Variants in ST8SIA1 observed in about 807,000 individuals in gnomAD.
ST8SIA1 encodes the protein alpha-N-acetylneuraminide alpha-2,8-sialyltransferase.
ST8SIA1 carries 16 observed loss-of-function variants against 35.9 expected under a neutral mutation model. The observed-to-expected ratio is 0.45, with a 90% confidence interval of 0.30 to 0.68. ST8SIA1 has a LOEUF of 0.68. ST8SIA1 is among the 30% of genes least tolerant of loss of function. The pLI is 0.09. For synonymous variants in ST8SIA1, 170 were observed against 169.6 expected (o/e 1.00, Z -0.02); for missense variants, 383 against 453.6 (o/e 0.84, Z 1.41).
Position 22,199,371 on chromosome 12 carries a change from T to C in ST8SIA1, c.*2181A>G, listed in dbSNP as rs1326090542. 6.6e-6 allele frequency: 1 copy of C among 152,102 alleles called. No individual in the cohort carries two copies. The highest frequency in any genetic ancestry group is 1.5e-5 in the Non-Finnish European group (1 of 68,010). The allele number at this position is 152,102 out of a possible 1,614,324, so 9.4% of individuals were successfully genotyped here. On this transcript the variant is annotated 3_prime_UTR_variant, in exon 5 of 5. Transcript: ENST00000396037. ...AATCTGAGTAACATTTTATTAACTT[T>C]TATATGCGTTTTTGTTAAGCCTTTT... is the stretch of plus-strand genomic sequence containing the variant.
intron 4 of ST8SIA1, among the ~76,000 whole-genome samples, chr12:22,227,347 A>T (rs1865371062): frequency 1.3e-5 from 2 of 152,008 alleles, no homozygotes; most frequent in Admixed American, 1.3e-4. Flanking sequence ...AGGCTGAGGC[A>T]GGCAGATCAC....
At chr12:22,331,758 G>C (rs1054799131) in intron 1 of ST8SIA1, among the ~76,000 whole-genome samples, 2 of 152,152 alleles carry the variant, frequency 1.3e-5, no homozygotes, top group African/African-American at 4.8e-5. Context: ...GTTCATTAGC[G>C]TTAAGTGTAC....
At chr12:22,319,967 G>C (rs1866565621) in intron 1 of ST8SIA1, among the ~76,000 whole-genome samples, 1 of 152,126 alleles carries the variant, frequency 6.6e-6, no homozygotes, top group African/African-American at 2.4e-5. Flanking sequence ...TAAAAAGGAG[G>C]TGAGGGGCTT....
chr12:22,263,530 G>A (rs1211722409), intron 2 of ST8SIA1, among the ~76,000 whole-genome samples: 1 of 152,092 alleles, frequency 6.6e-6, no homozygotes, highest in Non-Finnish European at 1.5e-5. Context: ...TGTTGATTTT[G>A]TTACACATTT....
At chr12:22,246,479 C>A (rs562265963) in intron 4 of ST8SIA1, among the ~76,000 whole-genome samples, 1 of 152,092 alleles carries the variant, frequency 6.6e-6, no homozygotes, top group Non-Finnish European at 1.5e-5. Flanking sequence ...TGCCTAAAAT[C>A]TTTAGAAACT....
In ST8SIA1 at chr12:22,333,992, A is replaced by G. The variant is rs1322099427; in HGVS notation, c.236+5T>C. On this transcript the variant is annotated splice_donor_5th_base_variant and intron_variant, in intron 1 of 4. Coordinates refer to ENST00000396037, the MANE Select transcript of ST8SIA1 (RefSeq NM_003034.4). ...AGAGGGGAGGAGCCGCGAGGGCAGG[A>G]GTACCTGAACGCTCTGGCCGCGGTC... 2 of 1,612,936 alleles carry G rather than the reference A, an allele frequency of 1.2e-6. No individual in the cohort carries two copies. The highest frequency in any genetic ancestry group is 1.3e-5 in the African/African-American group (1 of 74,980).
rs1311788798 is a variant in ST8SIA1, at chr12:22,197,337, G to A, written c.*4215C>T. The A allele has an allele frequency of 6.6e-6, 1 of 152,110 alleles. No homozygotes were observed. Among genetic ancestry groups the A allele is most frequent in the Non-Finnish European group, 1.5e-5 (1 of 68,028 alleles). The allele number at this position is 152,110 out of a possible 1,614,324, so 9.4% of individuals were successfully genotyped here. A position where few individuals can be genotyped will look rare whatever the true frequency, so the allele number is the denominator to read the frequency against. Reference sequence around the variant, plus strand: ...CATAGAGAATATATTACCTGGTGCTGGTGGGAAAGTATTTACACAACACAA... The same window carrying A: ...CATAGAGAATATATTACCTGGTGCTAGTGGGAAAGTATTTACACAACACAA... On this transcript the variant is annotated 3_prime_UTR_variant, in exon 5 of 5. Transcript: ENST00000396037.
At chr12:22,250,669 C>A (rs377278125) in intron 3 of ST8SIA1, 1 of 152,250 alleles carries the variant, frequency 6.6e-6, no homozygotes, top group African/African-American at 2.4e-5. Flanking sequence ...AAATTACCCT[C>A]AGTATCCAGG....
chr12:22,212,986 G>A (rs149951867), intron 4 of ST8SIA1, among the ~76,000 whole-genome samples: 20 of 152,264 alleles, frequency 1.3e-4, no homozygotes, highest in African/African-American at 4.3e-4. Context: ...TGGTCTTTGA[G>A]ATCATTTTCA....
At chr12:22,226,092 G>A (rs968810061) in intron 4 of ST8SIA1, among the ~76,000 whole-genome samples, 2 of 152,126 alleles carry the variant, frequency 1.3e-5, no homozygotes, top group African/African-American at 2.4e-5. Flanking sequence ...ACTCTCAGCT[G>A]TAGTGCATAT....
At chr12:22,291,306 G>A (rs1461002054) in intron 1 of ST8SIA1, among the ~76,000 whole-genome samples, 1 of 152,156 alleles carries the variant, frequency 6.6e-6, no homozygotes, top group Admixed American at 6.5e-5. Context: ...CAACACTTTG[G>A]TCACCAGGCA....
At chr12:22,229,615 C>CAAAAAAAAAAAAAAAAAAAAAAAAAA (rs11290260) in intron 4 of ST8SIA1, among the ~76,000 whole-genome samples, 1 of 93,746 alleles carries the variant, frequency 1.1e-5, no homozygotes, top group Non-Finnish European at 2.2e-5. Flanking sequence ...GACCGGGTTT[C>CAAAAAAAAAAAAAAAAAAAAAAAAAA]AAAAAAAAAA....
At chr12:22,224,767 C>T (rs938348272) in intron 4 of ST8SIA1, among the ~76,000 whole-genome samples, 6 of 152,178 alleles carry the variant, frequency 3.9e-5, no homozygotes, top group African/African-American at 1.4e-4. Flanking sequence ...TTTTTGTAGT[C>T]TGTTTCTTAC....
intron 4 of ST8SIA1, among the ~76,000 whole-genome samples, chr12:22,238,168 C>G (rs886098995): frequency 6.6e-6 from 1 of 151,654 alleles, no homozygotes; most frequent in Non-Finnish European, 1.5e-5. Flanking sequence ...AGAACTCCCC[C>G]CCCAACAAGA....
chr12:22,292,961 G>A (rs569935844), intron 1 of ST8SIA1, among the ~76,000 whole-genome samples: 1 of 152,328 alleles, frequency 6.6e-6, no homozygotes, highest in East Asian at 1.9e-4. Flanking sequence ...AAAAGACAGT[G>A]TTAGAGAAAG....
intron 2 of ST8SIA1, among the ~76,000 whole-genome samples, chr12:22,282,510 T>C (rs1229501705): frequency 6.6e-6 from 1 of 152,160 alleles, no homozygotes; most frequent in Non-Finnish European, 1.5e-5. Flanking sequence ...TCCTCTTCTG[T>C]TTACTCCTTC....
intron 2 of ST8SIA1, among the ~76,000 whole-genome samples, chr12:22,285,523 T>C (rs1866086669): frequency 1.3e-5 from 2 of 152,240 alleles, no homozygotes; most frequent in African/African-American, 4.8e-5. Flanking sequence ...ATACTAAGTA[T>C]GAATCAGCAC....
rs757354917 is a variant in ST8SIA1, at chr12:22,334,272, G to A, written c.-40C>T. 7.8e-6 allele frequency: 12 copies of A among 1,547,936 alleles called. No individual in the cohort carries two copies. The highest frequency in any genetic ancestry group is 1.4e-5 in the African/African-American group (1 of 73,224). On this transcript the variant is annotated 5_prime_UTR_variant, in exon 1 of 5. Transcript: ENST00000396037. ...CCCAGGGGCGGGGGCCGGGGCCTCA[G>A]CACAAAGCTAGGCGAAGTGGCAGCG...
chr12:22,306,135 C>T (rs1426908108), intron 1 of ST8SIA1, among the ~76,000 whole-genome samples: 1 of 152,144 alleles, frequency 6.6e-6, no homozygotes, highest in African/African-American at 2.4e-5. Flanking sequence ...TTGAGTTCTC[C>T]TGCCTTTCTG....
Sources: allele counts gnomAD v4.1 joint callset (sites outside exome capture counted in the v4.1 genomes callset), GRCh38; gene constraint gnomAD v4.1.1; transcripts MANE v1.5; gene names NCBI Gene and HGNC (gene_info 2026-07-23, HGNC 2026-07-21).